Variants in RAB6A observed in about 807,000 individuals in gnomAD.
The protein encoded by RAB6A is RAB6A, member RAS oncogene family, also known as ras-related protein Rab-6A.
RAB6A carries 8 observed loss-of-function variants against 32.3 expected under a neutral mutation model. That is an observed-to-expected ratio of 0.25 (90% CI 0.15 to 0.45). The LOEUF (loss-of-function observed/expected upper bound fraction) is 0.45, where lower values mean the gene tolerates loss of function less well. RAB6A is among the 20% of genes least tolerant of loss of function. RAB6A has a pLI of 1.00. For synonymous variants in RAB6A, 73 were observed against 82.1 expected, an observed-to-expected ratio of 0.89 and a Z score of 0.60; for missense variants, 104 against 249.4, an observed-to-expected ratio of 0.42 and a Z score of 3.93.
intron 1 of RAB6A, among the ~76,000 whole-genome samples, chr11:73,741,867 T>A (rs1247800082): frequency 6.6e-6 from 1 of 152,176 alleles, no homozygotes; most frequent in Non-Finnish European, 1.5e-5. Context: ...TAGATCAGTT[T>A]TAGGTTCACA....
rs1555052818 is a variant in RAB6A at position 73,677,837 on chromosome 11, TGAAA to T, written c.*57_*60del. ...AAGCCAATATTCACACTGCAGTCAA[TGAAA>T]GAGTAAGGGGGCCAAAGCAGTGAGC... On this transcript the variant is annotated 3_prime_UTR_variant, in exon 8 of 8. Coordinates refer to ENST00000336083, the MANE Select transcript of RAB6A (RefSeq NM_198896.2). The T allele has an allele frequency of 1.2e-6, 2 of 1,610,744 alleles. No homozygotes were observed. The highest frequency in any genetic ancestry group is 1.7e-6 in the Non-Finnish European group (2 of 1,177,122).
At chr11:73,700,609 T>TGGGGGGGGGGGGG (rs59223959) in intron 6 of RAB6A, among the ~76,000 whole-genome samples, 6 of 28,620 alleles carry the variant, frequency 2.1e-4, no homozygotes, top group Non-Finnish European at 2.6e-4. Context: ...AGTGTGTGTG[T>TGGGGGGGGGGGGG]GGGGGGGGGG....
chr11:73,749,916 C>T (rs903062333), intron 1 of RAB6A, among the ~76,000 whole-genome samples: 1 of 152,160 alleles, frequency 6.6e-6, no homozygotes, highest in Non-Finnish European at 1.5e-5. Flanking sequence ...GTCCCAGCTA[C>T]TCAGGAGGCT....
At chr11:73,721,044 A>C (rs1182167820) in intron 2 of RAB6A, 145 bp from the exon 3 acceptor site, 2 of 671,678 alleles carry the variant, frequency 3.0e-6, no homozygotes, top group Non-Finnish European at 5.1e-6. Flanking sequence ...TTAAGGACAA[A>C]CAAAATTTCC....
chr11:73,685,246 T>C (rs986524203), intron 6 of RAB6A, among the ~76,000 whole-genome samples: 2 of 152,004 alleles, frequency 1.3e-5, no homozygotes, highest in Non-Finnish European at 2.9e-5. Context: ...GGGAAATAAT[T>C]ATGCAAAGTG....
chr11:73,754,739 C>CA (rs1202023360), intron 1 of RAB6A, among the ~76,000 whole-genome samples: 3 of 152,144 alleles, frequency 2.0e-5, no homozygotes, highest in African/African-American at 7.2e-5. Context: ...GCCAATATAG[C>CA]AAAACCCTGT....
intron 1 of RAB6A, among the ~76,000 whole-genome samples, chr11:73,733,888 A>G (rs1946354323): frequency 6.6e-6 from 1 of 152,164 alleles, no homozygotes; most frequent in Non-Finnish European, 1.5e-5. Flanking sequence ...AATTTCCAAC[A>G]AGCCATATAT....
chr11:73,695,572 G>C (rs531026862), intron 6 of RAB6A, among the ~76,000 whole-genome samples: 4 of 152,084 alleles, frequency 2.6e-5, no homozygotes, highest in African/African-American at 9.6e-5. Context: ...AGTAGAGATG[G>C]GGTTTCACCA....
intron 6 of RAB6A, among the ~76,000 whole-genome samples, chr11:73,707,028 G>A (rs553792789): frequency 1.3e-5 from 2 of 151,180 alleles, no homozygotes; most frequent in African/African-American, 4.9e-5. Flanking sequence ...TGAGGCAGGA[G>A]AGCTGCTTGA....
intron 6 of RAB6A, among the ~76,000 whole-genome samples, chr11:73,690,555 C>CTTTTTT (rs60543922): frequency 6.8e-6 from 1 of 147,520 alleles, no homozygotes; most frequent in African/African-American, 2.5e-5. Context: ...CCAGCTAATT[C>CTTTTTT]TTTTTTTTTT....
At chr11:73,734,364 G>A (rs1488364916) in intron 1 of RAB6A, among the ~76,000 whole-genome samples, 4 of 152,096 alleles carry the variant, frequency 2.6e-5, no homozygotes, top group Non-Finnish European at 5.9e-5. Flanking sequence ...GACCTCAGGT[G>A]ATATACCTGC....
rs1165660078 is a variant in RAB6A at position 73,707,604 on chromosome 11, T to C, written c.402-91A>G. ...AAGCTCTGAAAATAACTTTCCTTGA[T>C]ATAAGGACTGGTTATACAGGTCACA... On this transcript the variant is annotated intron_variant, in intron 5 of 7. Coordinates refer to ENST00000336083, the MANE Select transcript of RAB6A (RefSeq NM_198896.2). 5.5e-6 allele frequency: 5 copies of C among 913,426 alleles called. No homozygotes were observed. In the Admixed American group the frequency reaches 8.2e-5, roughly 15 times the overall value. The allele number at this position is 913,426 out of a possible 1,614,324, so 56.6% of individuals were successfully genotyped here.
intron 5 of RAB6A, among the ~76,000 whole-genome samples, 168 bp from the exon 6 acceptor site, chr11:73,707,681 G>C (rs1385308609): frequency 6.6e-6 from 1 of 152,194 alleles, no homozygotes; most frequent in Admixed American, 6.5e-5. Context: ...GTGTGTTTCT[G>C]TGTGTGTATA....
chr11:73,681,183 A>G (rs1442836120), intron 6 of RAB6A, among the ~76,000 whole-genome samples: 1 of 152,180 alleles, frequency 6.6e-6, no homozygotes, highest in Non-Finnish European at 1.5e-5. Context: ...AATGAACAAG[A>G]AAAAACAGTT....
intron 1 of RAB6A, 97 bp downstream of exon 1, chr11:73,760,469 A>C (rs1946828104): frequency 1.4e-6 from 2 of 1,448,344 alleles, no homozygotes; most frequent in East Asian, 2.5e-5. Context: ...CGCGGACGCG[A>C]GGCGGGCAGG....
chr11:73,722,322 TATA>T, intron 2 of RAB6A: 1 of 8,758 alleles, frequency 1.1e-4, no homozygotes, highest in African/African-American at 3.7e-4. Context: ...TATATATATA[TATA>T]TATATATATA....
Position 73,677,734 on chromosome 11 carries a change from G to C in RAB6A, c.*164C>G. 2.7e-6 allele frequency: 4 copies of C among 1,462,194 alleles called. No individual in the cohort carries two copies. Among genetic ancestry groups the C allele is most frequent in the Non-Finnish European group, 3.7e-6 (4 of 1,089,436 alleles). 90.6% of individuals were successfully genotyped at this position (1,462,194 alleles called of 1,614,324 possible). ...GAAGACACTGACTTTTGTTGTGCTT[G>C]TGAAGCTAATAGATCATCTCCACGA... On this transcript the variant is annotated 3_prime_UTR_variant, in exon 8 of 8. Coordinates refer to ENST00000336083, the MANE Select transcript of RAB6A (RefSeq NM_198896.2).
At chr11:73,720,995 G>T in intron 2 of RAB6A, 96 bp from the exon 3 acceptor site, 1 of 893,412 alleles carries the variant, frequency 1.1e-6, no homozygotes, top group Non-Finnish European at 1.8e-6. Flanking sequence ...AAGAAATAAT[G>T]AATAAACAAA....
chr11:73,710,718 CAGAGAG>C (rs987792878), intron 5 of RAB6A, among the ~76,000 whole-genome samples: 3 of 149,388 alleles, frequency 2.0e-5, no homozygotes, highest in African/African-American at 7.4e-5. Context: ...GCCTGGGCAA[CAGAGAG>C]AGACTCAGTC....
Sources: allele counts gnomAD v4.1 joint callset (sites outside exome capture counted in the v4.1 genomes callset), GRCh38; gene constraint gnomAD v4.1.1; transcripts MANE v1.5; gene names NCBI Gene and HGNC (gene_info 2026-07-23, HGNC 2026-07-21).